SCN9A: variants seen among roughly 807,000 people sequenced by gnomAD.
The protein encoded by SCN9A is sodium voltage-gated channel alpha subunit 9, also known as sodium channel protein type 9 subunit alpha.
A neutral mutation model predicts 187.0 loss-of-function variants in SCN9A; 131 were observed. The observed-to-expected ratio is 0.70, with a 90% CI of 0.61 to 0.81. SCN9A has a LOEUF of 0.81. Among genes scored for constraint, SCN9A ranks in the 30% least tolerant of loss-of-function variants. The probability of loss-of-function intolerance (pLI) is 0.00; values close to 1 mark genes in which losing one functional copy is unlikely to be tolerated. For missense variants in SCN9A, 2,252 were observed against 2,396.6 expected (o/e 0.94, Z 1.26); for synonymous variants, 809 against 808.6 (o/e 1.00, Z -0.01).
chr2:166,297,138 A>T (rs1291075560), intron 7 of SCN9A, among the ~76,000 whole-genome samples: 1 of 140,620 alleles, frequency 7.1e-6, no homozygotes, highest in African/African-American at 2.6e-5. Context: ...CGGAGCTTAC[A>T]GTGAGCCGAG....
In SCN9A at chr2:166,340,532, TTTTCTTTCCCTTTCTTTC is replaced by T. The variant is rs1243454505; in HGVS notation, c.-50-28744_-50-28727del. On this transcript the variant is annotated intron_variant, in intron 1 of 26. Transcript: ENST00000642356. ...TTTCCTTCCTTCCCTCTCTCCTTTC[TTTTCTTTCCCTTTCTTTC>T]TTTCTTTCTTTCTTTCTTTCTTTCT... Among the ~76,000 whole-genome samples the T allele has an allele frequency of 6.5e-3, 813 of 125,144 alleles. 44 individuals are homozygous for T. Among genetic ancestry groups the T allele is most frequent in the African/African-American group, 0.024 (772 of 32,612 alleles). The allele number at this position is 125,144 out of a possible 152,430, so 82.1% of individuals were successfully genotyped here.
At chr2:166,350,899 T>C (rs1031495926) in intron 1 of SCN9A, among the ~76,000 whole-genome samples, 2 of 152,166 alleles carry the variant, frequency 1.3e-5, no homozygotes, top group East Asian at 3.8e-4. Context: ...GAAACAGGAA[T>C]TATTTCAACT....
chr2:166,316,285 A>G (rs980392216), intron 1 of SCN9A, among the ~76,000 whole-genome samples: 17 of 152,246 alleles, frequency 1.1e-4, no homozygotes, highest in Admixed American at 2.6e-4. Context: ...ATTAAAATAA[A>G]CATGGGGAAC....
chr2:166,316,258 TAA>T (rs1699106149), intron 1 of SCN9A, among the ~76,000 whole-genome samples: 1 of 152,206 alleles, frequency 6.6e-6, no homozygotes. Flanking sequence ...ACCTCACTAG[TAA>T]TCAAAGAAAC....
At chr2:166,281,076 T>C (rs762559246) in intron 13 of SCN9A, among the ~76,000 whole-genome samples, 2 of 152,084 alleles carry the variant, frequency 1.3e-5, no homozygotes, top group African/African-American at 2.4e-5. Context: ...ACTCATGAAA[T>C]AGACATTTCA....
intron 8 of SCN9A, 62 bp from the exon 9 acceptor site, chr2:166,293,434 A>C: frequency 7.1e-7 from 1 of 1,416,764 alleles, no homozygotes; most frequent in Non-Finnish European, 9.4e-7. Context: ...AAATAGCCTT[A>C]CTGAAAAGTT....
At position 166,370,459 on chromosome 2, in the gene SCN9A, T is replaced by C. The variant is rs191445085; in HGVS notation, c.-51+5238A>G. On this transcript the variant is annotated intron_variant, in intron 1 of 26. Coordinates refer to ENST00000642356, the MANE Select transcript of SCN9A (RefSeq NM_001365536.1). ...CTCGGAGGCTGAGGCAGGAGAATGG[T>C]GTGAACCCAGGACGCGGAGCTTGCA... Among the ~76,000 whole-genome samples, 657 of 151,096 alleles carry C rather than the reference T, an allele frequency of 4.3e-3. 5 individuals carry two copies. Among genetic ancestry groups the C allele is most frequent in the African/African-American group, 0.015 (623 of 41,284 alleles).
rs182309537 is a variant in SCN9A, at chr2:166,219,475, A to T, written c.4398+7092T>A. On this transcript the variant is annotated intron_variant, in intron 24 of 26. Transcript: ENST00000642356. ...TTAGTAAACTAAGGCAGGAACAGAA[A>T]ACCAAATACCACATGTTCTCACTTA... Among the ~76,000 whole-genome samples the T allele has an allele frequency of 7.9e-5, 12 of 152,308 alleles. No individual in the cohort carries two copies. In the East Asian group the frequency reaches 2.3e-3, roughly 29 times the overall value.
chr2:166,238,225 T>C lies in SCN9A; in HGVS notation c.3670A>G (p.Ile1224Val). The change falls in exon 20 of 27, where the codon ATT becomes GTT. Residue 1224 changes from isoleucine to valine, a missense_variant. Physicochemically the swap from Ile to Val is conservative, Grantham distance 29. This residue lies in a region of SCN9A where 313 missense variants were observed against 295.3 expected (regional missense o/e 1.06). Coordinates refer to ENST00000642356, the MANE Select transcript of SCN9A (RefSeq NM_001365536.1). ...IYIERKKTIKIILEYADKIFT... is the reference protein window; with the variant it reads ...IYIERKKTIKVILEYADKIFT... The stretch of plus-strand genomic sequence containing the variant: ...ATCTTGTCTGCATACTCCAGGATAA[T>C]CTTAATGGTCTTTTTCCTTTCAATA... 1 of 1,594,362 alleles carries C rather than the reference T, an allele frequency of 6.3e-7. No individual in the cohort carries two copies. The highest frequency in any genetic ancestry group is 8.5e-7 in the Non-Finnish European group (1 of 1,170,602).
Position 166,199,136 on chromosome 2 carries a change from G to C in SCN9A, c.5503C>G (p.Arg1835Gly). ...AATAAGATGTCAAGACAATGGATCC[G>C]GTCACCACTAACCATGGGCAGATCC... is the stretch of plus-strand genomic sequence containing the variant. ...AMDLPMVSGD[R>G]IHCLDILFAF... The change falls in exon 27 of 27, where the codon CGG becomes GGG. Residue 1835 changes from arginine to glycine, a missense_variant. Around this residue, in one of 7 missense-constraint regions of SCN9A, gnomAD observed 345 missense variants for 344.6 expected, o/e 1.00. Coordinates refer to ENST00000642356, the MANE Select transcript of SCN9A (RefSeq NM_001365536.1). The C allele has an allele frequency of 6.2e-7, 1 of 1,614,096 alleles. No individual in the cohort carries two copies. Among genetic ancestry groups the C allele is most frequent in the African/African-American group, 1.3e-5 (1 of 74,990 alleles).
At chr2:166,227,301 G>C (rs979967810) in intron 23 of SCN9A, among the ~76,000 whole-genome samples, 5 of 152,144 alleles carry the variant, frequency 3.3e-5, no homozygotes, top group Non-Finnish European at 7.3e-5. Flanking sequence ...CCTGCACTAA[G>C]TGCCCTGCTT....
At chr2:166,215,757 G>C (rs1403261107) in intron 24 of SCN9A, among the ~76,000 whole-genome samples, 2 of 109,588 alleles carry the variant, frequency 1.8e-5, no homozygotes, top group East Asian at 2.7e-4. Flanking sequence ...AAATAGATCA[G>C]TAATAAATTA....
chr2:166,365,616 G>A (rs1330280428), intron 1 of SCN9A, among the ~76,000 whole-genome samples: 1 of 152,106 alleles, frequency 6.6e-6, no homozygotes, highest in Non-Finnish European at 1.5e-5. Context: ...ATATGCCTTA[G>A]GGCTTTTGCA....
chr2:166,201,016 A>G (rs1479737622), intron 26 of SCN9A, among the ~76,000 whole-genome samples: 1 of 152,138 alleles, frequency 6.6e-6, no homozygotes, highest in Non-Finnish European at 1.5e-5. Flanking sequence ...ATAGTGGTAT[A>G]ATGTTCTCTC....
rs758710445 is a variant in SCN9A at position 166,226,633 on chromosome 2, C to T, written c.4332G>A (p.Gly1444=). The change falls in exon 24 of 27, where the codon GGG becomes GGA. Residue 1444 remains glycine (G), a synonymous_variant. Transcript: ENST00000642356. The part of the protein sequence containing the change: ...YIYFVVFIIF[G]SFFTLNLFIG... ...TGAACAAGTTCAAAGTGAAGAATGA[C>T]CCAAAGATGATAAAGACGACAAAAT... 2 of 1,589,100 alleles carry T rather than the reference C, an allele frequency of 1.3e-6. No individual in the cohort carries two copies. Among genetic ancestry groups the T allele is most frequent in the African/African-American group, 1.3e-5 (1 of 74,316 alleles).
In SCN9A at chr2:166,280,348, G is replaced by C; in HGVS notation, c.2343+9C>G. The C allele has an allele frequency of 6.9e-7, 1 of 1,453,288 alleles. No homozygotes were observed. The highest frequency in any genetic ancestry group is 9.5e-7 in the Non-Finnish European group (1 of 1,053,692). The allele number at this position is 1,453,288 out of a possible 1,614,324, so 90.0% of individuals were successfully genotyped here. A position where few individuals can be genotyped will look rare whatever the true frequency, so the allele number is the denominator to read the frequency against. ...ACTATGAGTACATAACACACAATAA[G>C]AGACTTACCAAATTTCCTATAGCAA... On this transcript the variant is annotated intron_variant, in intron 14 of 26. Transcript: ENST00000642356.
At chr2:166,345,540 A>G (rs985156945) in intron 1 of SCN9A, among the ~76,000 whole-genome samples, 1 of 152,028 alleles carries the variant, frequency 6.6e-6, no homozygotes, top group African/African-American at 2.4e-5. Context: ...AAAAGTAGGG[A>G]AAAGGGGTTT....
At chr2:166,274,528 G>A (rs1423091605) in intron 16 of SCN9A, among the ~76,000 whole-genome samples, 2 of 152,052 alleles carry the variant, frequency 1.3e-5, no homozygotes, top group Non-Finnish European at 2.9e-5. Flanking sequence ...AGAGAAGCCA[G>A]TTTAGCATAT....
At chr2:166,239,155 C>T (rs1231162599) in intron 19 of SCN9A, among the ~76,000 whole-genome samples, 1 of 148,532 alleles carries the variant, frequency 6.7e-6, no homozygotes, top group Non-Finnish European at 1.5e-5. Context: ...AAATTGGGCT[C>T]ATTGTTGCAG....
Sources: allele counts gnomAD v4.1 joint callset (sites outside exome capture counted in the v4.1 genomes callset), GRCh38; gene constraint gnomAD v4.1.1; regional missense constraint gnomAD v4.1.1; transcripts MANE v1.5; gene names NCBI Gene and HGNC (gene_info 2026-07-23, HGNC 2026-07-21).